Variants in JMJD1C observed in about 807,000 individuals in gnomAD.
JMJD1C encodes the protein jumonji domain-containing protein 1C.
Under a neutral mutation model 245.3 loss-of-function variants are expected in JMJD1C, and 31 were observed. The observed-to-expected ratio is 0.13, with a 90% CI of 0.09 to 0.17. JMJD1C has a LOEUF of 0.17. Ranked by LOEUF, JMJD1C falls within the 10% of genes least tolerant of loss-of-function variation. JMJD1C has a pLI of 1.00. For synonymous variants in JMJD1C, 1,057 were observed against 1,017.4 expected, an observed-to-expected ratio of 1.04 and a Z score of -0.74; for missense variants, 2,691 against 3,000.2, an observed-to-expected ratio of 0.90 and a Z score of 2.41.
chr10:63,304,038 C>T (rs916256137), intron 2 of JMJD1C, among the ~76,000 whole-genome samples: 13 of 151,580 alleles, frequency 8.6e-5, no homozygotes, highest in Admixed American at 1.3e-4. Flanking sequence ...TCTTACTCTA[C>T]CTTGAATTAC....
chr10:63,230,619 C>A (rs1306243315), intron 3 of JMJD1C, among the ~76,000 whole-genome samples: 3 of 151,626 alleles, frequency 2.0e-5, no homozygotes, highest in African/African-American at 7.3e-5. Flanking sequence ...ATTAAAATTA[C>A]AAAAACTTAG....
At chr10:63,357,651 T>G in intron 2 of JMJD1C, among the ~76,000 whole-genome samples, 1 of 152,144 alleles carries the variant, frequency 6.6e-6, no homozygotes, top group Middle Eastern at 3.2e-3. Flanking sequence ...TATTTATTTT[T>G]CATAAAACTC....
At chr10:63,462,717 A>G (rs953679769) in intron 1 of JMJD1C, among the ~76,000 whole-genome samples, 1 of 152,206 alleles carries the variant, frequency 6.6e-6, no homozygotes, top group Non-Finnish European at 1.5e-5. Context: ...AGGAATGTGG[A>G]CAGCTTCTAA....
At chr10:63,179,061 C>G (rs1425933268) in intron 22 of JMJD1C, among the ~76,000 whole-genome samples, 1 of 152,096 alleles carries the variant, frequency 6.6e-6, no homozygotes, top group Non-Finnish European at 1.5e-5. Flanking sequence ...CTCTGAATCT[C>G]CAATGTCTAT....
chr10:63,485,733 A>C (rs1337550804), intron 1 of JMJD1C, among the ~76,000 whole-genome samples: 1 of 152,214 alleles, frequency 6.6e-6, no homozygotes, highest in South Asian at 2.1e-4. Context: ...TTTAAATAAC[A>C]GTGCTATATG....
intron 2 of JMJD1C, among the ~76,000 whole-genome samples, chr10:63,281,394 T>C (rs1230254164): frequency 6.8e-6 from 1 of 146,930 alleles, no homozygotes; most frequent in Non-Finnish European, 1.5e-5. Context: ...CTCCTGACCT[T>C]GTGATCTGCC....
At position 63,189,392 on chromosome 10, in the gene JMJD1C, C is replaced by T; in HGVS notation, c.6346G>A (p.Val2116Ile). 6.2e-7 allele frequency: 1 copy of T among 1,613,718 alleles called. No individual in the cohort carries two copies. Among genetic ancestry groups the T allele is most frequent in the Non-Finnish European group, 8.5e-7 (1 of 1,179,840 alleles). ...CTTGGTGGAATTTTGTTTTCAACAA[C>T]TGAAGCAATTATGTCATCAAGAATG... ...PNILDDIIAS[V>I]VENKIPPSKT... Residue 2116 changes from valine to isoleucine, a missense_variant, in exon 18 of 26, where the codon GTT becomes ATT. Val to Ile is a conservative substitution (Grantham distance 29). Coordinates refer to ENST00000399262, the MANE Select transcript of JMJD1C (RefSeq NM_032776.3).
chr10:63,214,999 C>T lies in JMJD1C; in HGVS notation c.1168G>A (p.Asp390Asn), dbSNP rs1275073137. 1 of 1,600,430 alleles carries T rather than the reference C, an allele frequency of 6.2e-7. No homozygotes were observed. The highest frequency in any genetic ancestry group is 1.1e-5 in the South Asian group (1 of 88,422). Residue 390 changes from aspartate (D) to asparagine (N), a missense_variant, in exon 8 of 26, where the codon GAT becomes AAT. Around this residue, in one of 9 missense-constraint regions of JMJD1C, gnomAD observed 1,562 missense variants for 1,490.7 expected, o/e 1.05. Coordinates refer to ENST00000399262, the MANE Select transcript of JMJD1C (RefSeq NM_032776.3). ...DSENSNKRIIDNSSEQKPENE... is the reference protein window; with the variant it reads ...DSENSNKRIINNSSEQKPENE... ...TCTGGCTTCTGTTCTGAGGAATTAT[C>T]TATTATTCTCTTATTTGAATTTTCT... is the stretch of plus-strand genomic sequence containing the variant.
At chr10:63,517,595 T>C (rs1955060653) in intron 1 of JMJD1C, among the ~76,000 whole-genome samples, 1 of 152,114 alleles carries the variant, frequency 6.6e-6, no homozygotes, top group South Asian at 2.1e-4. Flanking sequence ...TGTATGAATA[T>C]TAGTGATATA....
In JMJD1C at chr10:63,200,694, A is replaced by G. The variant is rs766997659; in HGVS notation, c.5075-17T>C. On this transcript the variant is annotated splice_polypyrimidine_tract_variant and intron_variant, in intron 10 of 25. Coordinates refer to ENST00000399262, the MANE Select transcript of JMJD1C (RefSeq NM_032776.3). ...GAATGCCAGCTGTAAAATCAGTAGGAAAGTTTTAGCAAGATTATGCTTTGT... is the reference window on the plus strand; with the variant it reads ...GAATGCCAGCTGTAAAATCAGTAGGGAAGTTTTAGCAAGATTATGCTTTGT... The G allele has an allele frequency of 1.2e-6, 2 of 1,609,898 alleles. No homozygotes were observed. The highest frequency in any genetic ancestry group is 2.2e-5 in the East Asian group (1 of 44,782).
chr10:63,404,866 A>G (rs1949077073), intron 1 of JMJD1C, among the ~76,000 whole-genome samples: 1 of 152,234 alleles, frequency 6.6e-6, no homozygotes. Context: ...CAAAAGCAGT[A>G]CATGGGGTGA....
At chr10:63,312,585 T>C (rs1939376502) in intron 2 of JMJD1C, among the ~76,000 whole-genome samples, 2 of 152,194 alleles carry the variant, frequency 1.3e-5, no homozygotes, top group Admixed American at 1.3e-4. Context: ...AGGATTGAAC[T>C]GAAGGTATCA....
rs568383916 is a variant in JMJD1C, at chr10:63,214,629, G to T, written c.1538C>A (p.Thr513Lys). The change falls in exon 8 of 26, where the codon ACA becomes AAA. Residue 513 changes from threonine (T) to lysine (K), a missense_variant. Thr to Lys is a moderately conservative substitution (Grantham distance 78). Around this residue, in one of 9 missense-constraint regions of JMJD1C, gnomAD observed 1,562 missense variants for 1,490.7 expected, o/e 1.05. Transcript: ENST00000399262. ...PPTPKCVIDI[T>K]NDTNLEKVAQ... Reference sequence around the variant, plus strand: ...CACCTTTTCTAAATTAGTGTCATTTGTAATATCAATAACACATTTTGGTGT... The same window carrying T: ...CACCTTTTCTAAATTAGTGTCATTTTTAATATCAATAACACATTTTGGTGT... 6.2e-7 allele frequency: 1 copy of T among 1,614,098 alleles called. No individual in the cohort carries two copies. Among genetic ancestry groups the T allele is most frequent in the East Asian group, 2.2e-5 (1 of 44,870 alleles).
At chr10:63,506,634 G>C (rs1589837615) in intron 1 of JMJD1C, among the ~76,000 whole-genome samples, 1 of 151,806 alleles carries the variant, frequency 6.6e-6, no homozygotes, top group East Asian at 1.9e-4. Flanking sequence ...ACTGTTTTAG[G>C]GTCACAGCCA....
intron 3 of JMJD1C, among the ~76,000 whole-genome samples, chr10:63,258,514 C>T (rs190858398): frequency 1.7e-3 from 260 of 152,278 alleles, no homozygotes; most frequent in Admixed American, 3.1e-3. Flanking sequence ...TTCATAAACT[C>T]TCTTCTTTAG....
intron 2 of JMJD1C, among the ~76,000 whole-genome samples, chr10:63,343,764 G>A (rs541862382): frequency 6.6e-5 from 10 of 152,218 alleles, no homozygotes; most frequent in Admixed American, 4.6e-4. Context: ...TGGGCCAGGC[G>A]TAATGGCTCA....
At chr10:63,375,847 A>G (rs1946699552) in intron 2 of JMJD1C, among the ~76,000 whole-genome samples, 1 of 151,992 alleles carries the variant, frequency 6.6e-6, no homozygotes, top group Non-Finnish European at 1.5e-5. Context: ...AGCCCTTAAT[A>G]TTAAGATGTC....
rs72837059 is a variant in JMJD1C, at chr10:63,506,568, T to A, written n.113+15170A>T. Among the ~76,000 whole-genome samples the A allele has an allele frequency of 4.2e-3, 643 of 152,334 alleles. 2 individuals carry two copies. The highest frequency in any genetic ancestry group is 6.9e-3 in the Non-Finnish European group (470 of 68,034). ...TGCTTTTGTAAACTTTCTGCAGATA[T>A]CCTTTGCATATTTTTTCTTCTGAGA... On this transcript the variant is annotated intron_variant and non_coding_transcript_variant, in intron 1 of 3. Coordinates refer to the JMJD1C transcript ENST00000633035.
intron 1 of JMJD1C, among the ~76,000 whole-genome samples, chr10:63,500,750 T>A (rs1038806291): frequency 5.3e-5 from 7 of 131,882 alleles, no homozygotes; most frequent in African/African-American, 1.7e-4. Flanking sequence ...GATGGAAGGA[T>A]GGATGGATGG....
Sources: allele counts gnomAD v4.1 joint callset (sites outside exome capture counted in the v4.1 genomes callset), GRCh38; gene constraint gnomAD v4.1.1; regional missense constraint gnomAD v4.1.1; transcripts MANE v1.5; gene names NCBI Gene and HGNC (gene_info 2026-07-23, HGNC 2026-07-21).